SPMIP2: variants seen among roughly 807,000 people sequenced by gnomAD.
SPMIP2 encodes the protein protein SPMIP2.
the SPMIP2 span, chr4:158,909,574 G>GT: frequency 0.089 from 12,184 of 136,672 alleles, 592 homozygotes; most frequent in Non-Finnish European, 0.12. Context: ...TACTGTGATG[G>GT]TTTTTTTTTT....
chr4:158,979,975 G>T, the SPMIP2 span, among the ~76,000 whole-genome samples: 2 of 151,892 alleles, frequency 1.3e-5, no homozygotes, highest in African/African-American at 4.8e-5. Flanking sequence ...CTGTCGGCAC[G>T]GCAGTCTGAA....
chr4:159,050,706 G>A, the SPMIP2 span, among the ~76,000 whole-genome samples: 1 of 151,694 alleles, frequency 6.6e-6, no homozygotes, highest in Non-Finnish European at 1.5e-5. Context: ...TGAGGTGAGT[G>A]GATCACTTGA....
the SPMIP2 span, among the ~76,000 whole-genome samples, chr4:158,990,976 A>G: frequency 6.6e-6 from 1 of 152,198 alleles, no homozygotes; most frequent in Admixed American, 6.5e-5. Flanking sequence ...TCACAGGTAC[A>G]ATAATAGTGC....
At chr4:158,979,109 T>G in the SPMIP2 span, among the ~76,000 whole-genome samples, 1 of 152,060 alleles carries the variant, frequency 6.6e-6, no homozygotes, top group Non-Finnish European at 1.5e-5. Flanking sequence ...CTAAAGTGGC[T>G]TTGCCGAGCT....
the SPMIP2 span, among the ~76,000 whole-genome samples, chr4:158,948,970 TTC>T: frequency 1.3e-5 from 2 of 152,174 alleles, no homozygotes; most frequent in African/African-American, 4.8e-5. Context: ...TATTATTTCC[TTC>T]TGTTTTCTCT....
the SPMIP2 span, among the ~76,000 whole-genome samples, chr4:158,932,459 ACT>A: frequency 3.9e-5 from 6 of 152,114 alleles, no homozygotes; most frequent in African/African-American, 1.4e-4. Context: ...ACAGAGTGAG[ACT>A]CTGTGTCAAA....
chr4:159,062,893 A>G, the SPMIP2 span, among the ~76,000 whole-genome samples: 3 of 138,012 alleles, frequency 2.2e-5, no homozygotes, highest in African/African-American at 8.2e-5. Flanking sequence ...GGTTTTTGCC[A>G]TGTTGCTCAG....
At chr4:158,953,230 C>T in the SPMIP2 span, among the ~76,000 whole-genome samples, 8 of 152,236 alleles carry the variant, frequency 5.3e-5, no homozygotes, top group East Asian at 1.5e-3. Context: ...TGGGCTGGGC[C>T]CAGGGTCCCT....
chr4:158,973,831 TA>T, the SPMIP2 span, among the ~76,000 whole-genome samples: 1 of 151,574 alleles, frequency 6.6e-6, no homozygotes, highest in African/African-American at 2.4e-5. Flanking sequence ...CTACAAAAAA[TA>T]AAAATTAGCC....
At chr4:158,960,702 C>T in the SPMIP2 span, among the ~76,000 whole-genome samples, 2 of 152,062 alleles carry the variant, frequency 1.3e-5, no homozygotes, top group African/African-American at 2.4e-5. Context: ...AAACAGGTTA[C>T]CTCTTTTCAC....
chr4:158,965,020 C>T, the SPMIP2 span, among the ~76,000 whole-genome samples: 1 of 152,100 alleles, frequency 6.6e-6, no homozygotes, highest in South Asian at 2.1e-4. Flanking sequence ...TAAGCCAAAC[C>T]CTATCAGGCC....
chr4:158,942,433 G>T, the SPMIP2 span, among the ~76,000 whole-genome samples: 2 of 152,182 alleles, frequency 1.3e-5, no homozygotes, highest in Non-Finnish European at 2.9e-5. Flanking sequence ...GTTAAACTGT[G>T]TTAAGTATCC....
chr4:159,053,553 G>C, the SPMIP2 span, among the ~76,000 whole-genome samples: 1 of 152,028 alleles, frequency 6.6e-6, no homozygotes, highest in Non-Finnish European at 1.5e-5. Flanking sequence ...AGGATCTTTT[G>C]GTGCCTTCTG....
chr4:158,949,268 T>G, the SPMIP2 span, among the ~76,000 whole-genome samples: 11 of 152,248 alleles, frequency 7.2e-5, no homozygotes, highest in Admixed American at 6.5e-5. Flanking sequence ...TTTATCCTAT[T>G]GTCCTGGTGA....
At chr4:158,915,329 T>A in the SPMIP2 span, 2 of 1,613,070 alleles carry the variant, frequency 1.2e-6, no homozygotes, top group Non-Finnish European at 1.7e-6. Context: ...TCTGTTTTCC[T>A]TGCATATCCA....
the SPMIP2 span, among the ~76,000 whole-genome samples, chr4:159,050,613 G>A: frequency 6.6e-6 from 1 of 151,890 alleles, no homozygotes; most frequent in Non-Finnish European, 1.5e-5. Context: ...GACCAGCCTG[G>A]GCAACATGGC....
At chr4:159,067,236 C>A in the SPMIP2 span, among the ~76,000 whole-genome samples, 3 of 147,860 alleles carry the variant, frequency 2.0e-5, no homozygotes, top group Non-Finnish European at 3.0e-5. Context: ...TAAAAAAAAA[C>A]CAACATATAG....
At chr4:158,937,366 C>T in the SPMIP2 span, 3 of 153,446 alleles carry the variant, frequency 2.0e-5, no homozygotes, top group Non-Finnish European at 4.4e-5. Context: ...ATAATTGTTG[C>T]CTGGGAGGTT....
At chr4:158,912,602 C>A in the SPMIP2 span, among the ~76,000 whole-genome samples, 2 of 152,168 alleles carry the variant, frequency 1.3e-5, no homozygotes, top group African/African-American at 2.4e-5. Context: ...GCGTTGGAGG[C>A]TTTTCACATG....
Sources: allele counts gnomAD v4.1 joint callset (sites outside exome capture counted in the v4.1 genomes callset), GRCh38; gene constraint gnomAD v4.1.1; transcripts MANE v1.5; gene names NCBI Gene and HGNC (gene_info 2026-07-23, HGNC 2026-07-21).